Variants in CPXM2 observed in about 807,000 individuals in gnomAD.
CPXM2 encodes carboxypeptidase X, M14 family member 2.
In CPXM2, 66 loss-of-function variants were observed where a neutral mutation model predicts 86.1. The ratio of observed to expected loss-of-function variants is 0.77; its 90% CI spans 0.63 to 0.94. CPXM2 has a LOEUF of 0.94. CPXM2 is among the 40% of genes least tolerant of loss of function. The probability of loss-of-function intolerance (pLI) is 0.00; values close to 1 mark genes in which losing one functional copy is unlikely to be tolerated. For synonymous variants in CPXM2, 388 were observed against 400.2 expected (o/e 0.97, Z 0.36); for missense variants, 948 against 1,026.3 (o/e 0.92, Z 1.04).
chr10:123,774,409 T>C (rs1038169959), intron 7 of CPXM2, among the ~76,000 whole-genome samples: 1 of 152,218 alleles, frequency 6.6e-6, no homozygotes, highest in African/African-American at 2.4e-5. Context: ...GCAAATTTTA[T>C]GGTGGGTTGA....
At chr10:123,862,156 T>C (rs1848862671) in intron 3 of CPXM2, among the ~76,000 whole-genome samples, 1 of 152,168 alleles carries the variant, frequency 6.6e-6, no homozygotes, top group African/African-American at 2.4e-5. Flanking sequence ...CATGCAGGGC[T>C]TGACCCGGGG....
At chr10:123,813,683 A>T (rs1007888768) in intron 4 of CPXM2, among the ~76,000 whole-genome samples, 1 of 152,220 alleles carries the variant, frequency 6.6e-6, no homozygotes, top group Non-Finnish European at 1.5e-5. Flanking sequence ...CTAAACATGA[A>T]ATCTAGATCT....
At position 123,891,798 on chromosome 10, in the gene CPXM2, C is replaced by A; in HGVS notation, c.-139G>T. The A allele has an allele frequency of 2.3e-6, 1 of 432,274 alleles. No individual in the cohort carries two copies. Among genetic ancestry groups the A allele is most frequent in the Non-Finnish European group, 3.3e-6 (1 of 299,488 alleles). 26.8% of individuals were successfully genotyped at this position (432,274 alleles called of 1,614,324 possible). A position where few individuals can be genotyped will look rare whatever the true frequency, so the allele number is the denominator to read the frequency against. ...TTGGGCGCGGGAGGCGGCCGGCTGG[C>A]TGCGCGTGTGACCGGCCCGCGGGGC... On this transcript the variant is annotated 5_prime_UTR_variant, in exon 1 of 14. Coordinates refer to ENST00000241305, the MANE Select transcript of CPXM2 (RefSeq NM_198148.3). This position sits in a 1 kb window ranked among gnomAD's most constrained non-coding sequence, Gnocchi z 5.6.
intron 4 of CPXM2, among the ~76,000 whole-genome samples, chr10:123,822,814 C>T (rs780646151): frequency 2.0e-5 from 3 of 152,026 alleles, no homozygotes; most frequent in Non-Finnish European, 2.9e-5. Context: ...AGAAGCTTGC[C>T]TACCCTCAGA....
At position 123,891,444 on chromosome 10, in the gene CPXM2, G is replaced by A; in HGVS notation, c.216C>T (p.Arg72=). 6.4e-7 allele frequency: 1 copy of A among 1,554,396 alleles called. No homozygotes were observed. The highest frequency in any genetic ancestry group is 8.7e-7 in the Non-Finnish European group (1 of 1,148,878). ...TCTTGGGCGGCCTGGGCTCCTGCGG[G>A]CGCCGCTCCCACTCCTCCCCGGGCC... The part of the protein sequence containing the change: ...PAGPGEEWER[R]PQEPRPPKRA... Residue 72 remains arginine, a synonymous_variant, in exon 1 of 14, where the codon CGC becomes CGT. Transcript: ENST00000241305. This position sits in a 1 kb window ranked among gnomAD's most constrained non-coding sequence, Gnocchi z 5.6.
chr10:123,939,845 C>G (rs1945757753), intron 1 of CPXM2, among the ~76,000 whole-genome samples: 1 of 152,204 alleles, frequency 6.6e-6, no homozygotes, highest in Admixed American at 6.5e-5. Flanking sequence ...CTCTGACAGC[C>G]AGGCCCAAGT....
intron 7 of CPXM2, among the ~76,000 whole-genome samples, chr10:123,772,776 C>T (rs768331682): frequency 1.3e-5 from 2 of 151,708 alleles, no homozygotes; most frequent in African/African-American, 2.4e-5. Flanking sequence ...TTATCAGCTC[C>T]CTGGTTGTGG....
intron 2 of CPXM2, among the ~76,000 whole-genome samples, chr10:123,930,551 G>T (rs1318491832): frequency 6.6e-6 from 1 of 152,164 alleles, no homozygotes; most frequent in Admixed American, 6.5e-5. Context: ...CTTCAAAGCA[G>T]CCCTGTCTTC....
At chr10:123,842,534 A>C in intron 3 of CPXM2, 46 bp from the exon 4 acceptor site, 1 of 1,582,224 alleles carries the variant, frequency 6.3e-7, no homozygotes, top group Non-Finnish European at 8.7e-7. Flanking sequence ...TCTTAATTGA[A>C]GAAAATTAAG....
intron 4 of CPXM2, among the ~76,000 whole-genome samples, chr10:123,832,826 T>TAAA (rs537178892): frequency 1.5e-5 from 2 of 133,564 alleles, no homozygotes; most frequent in Admixed American, 7.4e-5. Context: ...AAACTCTGTC[T>TAAA]AAAAAAAAAA....
At chr10:123,856,076 G>A (rs1280916062) in intron 3 of CPXM2, among the ~76,000 whole-genome samples, 3 of 152,148 alleles carry the variant, frequency 2.0e-5, no homozygotes, top group African/African-American at 4.8e-5. Context: ...GTTTTTCCTT[G>A]TGACCTCAAA....
intron 4 of CPXM2, among the ~76,000 whole-genome samples, chr10:123,812,603 T>C (rs1014105197): frequency 1.3e-5 from 2 of 152,190 alleles, no homozygotes; most frequent in Non-Finnish European, 2.9e-5. Context: ...TACTGGTCTG[T>C]TGCCTGTTAG....
chr10:123,799,891 G>A (rs553908771), intron 4 of CPXM2, among the ~76,000 whole-genome samples: 4 of 152,134 alleles, frequency 2.6e-5, no homozygotes, highest in South Asian at 4.2e-4. Context: ...CAAGAAAAGC[G>A]ACCTACATCT....
intron 3 of CPXM2, among the ~76,000 whole-genome samples, chr10:123,849,634 A>G (rs1268035356): frequency 1.3e-5 from 2 of 151,948 alleles, no homozygotes; most frequent in African/African-American, 2.4e-5. Flanking sequence ...GCTGGTCTCG[A>G]TCTCCTGACC....
Position 123,752,405 on chromosome 10 carries a change from G to A in CPXM2, c.2017+2258C>T, listed in dbSNP as rs921791622. 9.3e-5 allele frequency: 92 copies of A among 984,348 alleles called. No individual in the cohort carries two copies. The African/African-American group carries it at 1.3e-3, about 14-fold the overall frequency. The allele number at this position is 984,348 out of a possible 1,614,324, so 61.0% of individuals were successfully genotyped here. On this transcript the variant is annotated intron_variant, in intron 13 of 13. Coordinates refer to ENST00000241305, the MANE Select transcript of CPXM2 (RefSeq NM_198148.3). ...TGAGCAAAGAAATCAGTAACTAGAT[G>A]GGAAAAATGCAATTTATGGCATTAC...
intron 4 of CPXM2, among the ~76,000 whole-genome samples, chr10:123,837,438 A>C (rs2134144975): frequency 6.6e-6 from 1 of 152,344 alleles, no homozygotes; most frequent in South Asian, 2.1e-4. Flanking sequence ...TAAAGAGTTA[A>C]AATTGAAAAG....
At position 123,891,243 on chromosome 10, in the gene CPXM2, GAT is replaced by G; in HGVS notation, c.304+111_304+112del. On this transcript the variant is annotated intron_variant, in intron 1 of 13. Coordinates refer to ENST00000241305, the MANE Select transcript of CPXM2 (RefSeq NM_198148.3). This position sits in a 1 kb window ranked among gnomAD's most constrained non-coding sequence, Gnocchi z 5.6. The stretch of plus-strand genomic sequence containing the variant: ...AGGGAGGCAGAGGCGGCAACAGGGA[GAT>G]TCCCGGGACTGGCCCATCCCAGACA... 3.3e-6 allele frequency: 3 copies of G among 911,036 alleles called. No individual in the cohort carries two copies. Among genetic ancestry groups the G allele is most frequent in the Non-Finnish European group, 4.8e-6 (3 of 626,656 alleles). The allele number at this position is 911,036 out of a possible 1,614,324, so 56.4% of individuals were successfully genotyped here.
At chr10:123,927,267 AC>A (rs1438376300) in intron 2 of CPXM2, among the ~76,000 whole-genome samples, 1 of 152,044 alleles carries the variant, frequency 6.6e-6, no homozygotes, top group Non-Finnish European at 1.5e-5. Context: ...CCTGTGTCCC[AC>A]CCTTCAGTGA....
At position 123,791,892 on chromosome 10, in the gene CPXM2, C is replaced by T. The variant is rs758869289; in HGVS notation, c.889+6084G>A. ...TGCCCACTGCGAGAGGCCATCCTTC[C>T]GAACTGAGCTGCTTCTGTACAGTGA... On this transcript the variant is annotated intron_variant, in intron 6 of 13. Coordinates refer to ENST00000241305, the MANE Select transcript of CPXM2 (RefSeq NM_198148.3). Among the ~76,000 whole-genome samples the T allele has an allele frequency of 5.1e-4, 77 of 152,326 alleles. 2 individuals carry two copies. The highest frequency in any genetic ancestry group is 3.4e-3 in the Middle Eastern group (1 of 294).
Sources: gnomAD v4.1 joint callset for allele counts (sites outside exome capture counted in the v4.1 genomes callset) on GRCh38, gnomAD v4.1.1 for gene constraint, Gnocchi (gnomAD v3.1) non-coding constraint, MANE v1.5 for transcripts, NCBI Gene and HGNC (gene_info 2026-07-23, HGNC 2026-07-21) for gene names.